OPCML: variants seen among roughly 807,000 people sequenced by gnomAD.
OPCML encodes the protein opioid binding protein/cell adhesion molecule like.
OPCML carries 13 observed loss-of-function variants against 37.8 expected under a neutral mutation model. The observed-to-expected ratio is 0.34, with a 90% confidence interval of 0.22 to 0.55. The LOEUF is 0.55. Among genes scored for constraint, OPCML ranks in the 20% least tolerant of loss-of-function variants. The pLI, the probability that OPCML is intolerant of heterozygous loss-of-function variation, is 0.91. For missense variants in OPCML, 341 were observed against 435.6 expected, an observed-to-expected ratio of 0.78 and a Z score of 1.93; for synonymous variants, 176 against 168.8, an observed-to-expected ratio of 1.04 and a Z score of -0.33.
At chr11:133,384,450 TG>T (rs779405892) in intron 1 of OPCML, among the ~76,000 whole-genome samples, 4 of 152,276 alleles carry the variant, frequency 2.6e-5, no homozygotes, top group Non-Finnish European at 5.9e-5. Flanking sequence ...ATTCAACCGT[TG>T]ACAAGAAAGA....
At chr11:132,421,417 A>T (rs1244060283) in intron 7 of OPCML, among the ~76,000 whole-genome samples, 1 of 152,206 alleles carries the variant, frequency 6.6e-6, no homozygotes. Context: ...TACTGGAAAT[A>T]AGCTGAGGTG....
At chr11:133,092,850 A>AAGAG (rs151247554) in intron 1 of OPCML, among the ~76,000 whole-genome samples, 34 of 150,046 alleles carry the variant, frequency 2.3e-4, no homozygotes, top group African/African-American at 6.6e-4. Flanking sequence ...GAGACAGAGA[A>AAGAG]AGAGAGAGAG....
In OPCML at chr11:132,785,577, A is replaced by G. The variant is rs116100410; in HGVS notation, c.147-128258T>C. Among the ~76,000 whole-genome samples the G allele has an allele frequency of 3.3e-3, 496 of 152,366 alleles. 5 individuals are homozygous for G. Among genetic ancestry groups the G allele is most frequent in the African/African-American group, 0.011 (439 of 41,590 alleles). ...TACAATGCAATGCTCCCTAGTAAAT[A>G]TATAACAACAACACAAACTATCTAC... On this transcript the variant is annotated intron_variant, in intron 2 of 7. Coordinates refer to ENST00000524381, the MANE Select transcript of OPCML (RefSeq NM_001012393.5).
At chr11:133,193,257 T>A (rs1938397438) in intron 1 of OPCML, among the ~76,000 whole-genome samples, 1 of 152,104 alleles carries the variant, frequency 6.6e-6, no homozygotes, top group Admixed American at 6.6e-5. Flanking sequence ...AAAAGTCAGA[T>A]CCTAGGTGGG....
chr11:132,680,494 G>A (rs1411452168), intron 2 of OPCML, among the ~76,000 whole-genome samples: 2 of 152,156 alleles, frequency 1.3e-5, no homozygotes, highest in Non-Finnish European at 2.9e-5. Flanking sequence ...TTTCCTCAGG[G>A]CTGAAGAATA....
intron 2 of OPCML, among the ~76,000 whole-genome samples, chr11:132,675,762 A>C (rs1238743568): frequency 1.3e-5 from 2 of 152,210 alleles, no homozygotes; most frequent in Admixed American, 6.5e-5. Context: ...TGCTCTAAAA[A>C]CAAAAGTGTT....
intron 1 of OPCML, among the ~76,000 whole-genome samples, chr11:133,266,184 G>C (rs1394161941): frequency 6.6e-6 from 1 of 152,170 alleles, no homozygotes; most frequent in Admixed American, 6.5e-5. Flanking sequence ...GCAAGAACCA[G>C]GACTTAGGGA....
chr11:132,512,975 C>A (rs192568427), intron 4 of OPCML, among the ~76,000 whole-genome samples: 1 of 151,748 alleles, frequency 6.6e-6, no homozygotes, highest in African/African-American at 2.4e-5. Context: ...AAATTATGAC[C>A]GCAAGATTTT....
At chr11:132,795,460 T>A (rs755549912) in intron 2 of OPCML, among the ~76,000 whole-genome samples, 8 of 152,218 alleles carry the variant, frequency 5.3e-5, no homozygotes, top group Non-Finnish European at 1.2e-4. Context: ...TTTAGAACAT[T>A]TCCATATTCC....
chr11:132,994,230 G>A (rs1194806352), intron 1 of OPCML, among the ~76,000 whole-genome samples: 1 of 152,234 alleles, frequency 6.6e-6, no homozygotes, highest in Non-Finnish European at 1.5e-5. Context: ...CTCCTGCCAG[G>A]AGCCGGCGCG....
intron 1 of OPCML, among the ~76,000 whole-genome samples, chr11:133,292,036 C>G (rs959145085): frequency 6.6e-6 from 1 of 152,150 alleles, no homozygotes. Flanking sequence ...TCAATATGGC[C>G]GTCGGTGAAG....
intron 2 of OPCML, among the ~76,000 whole-genome samples, chr11:132,688,342 G>A (rs1190490135): frequency 1.3e-5 from 2 of 152,126 alleles, no homozygotes; most frequent in Admixed American, 1.3e-4. Context: ...ACAAACATGA[G>A]GAGAAACAAG....
At chr11:133,190,332 G>A (rs1446697522) in intron 1 of OPCML, among the ~76,000 whole-genome samples, 2 of 152,198 alleles carry the variant, frequency 1.3e-5, no homozygotes, top group Admixed American at 6.5e-5. Flanking sequence ...AAGAGGAAGG[G>A]AGAAGGGAAT....
chr11:132,485,363 G>T (rs2137040599), intron 4 of OPCML, among the ~76,000 whole-genome samples: 1 of 152,094 alleles, frequency 6.6e-6, no homozygotes, highest in South Asian at 2.1e-4. Flanking sequence ...TGTGTTTTTT[G>T]TTTGTTTGTT....
At chr11:133,427,625 C>A (rs534391780) in intron 1 of OPCML, among the ~76,000 whole-genome samples, 1 of 151,752 alleles carries the variant, frequency 6.6e-6, no homozygotes, top group Admixed American at 6.6e-5. Flanking sequence ...AGAAAATATT[C>A]TTTAAATCAT....
At chr11:133,026,014 C>G in intron 1 of OPCML, 1 of 976,780 alleles carries the variant, frequency 1.0e-6, no homozygotes, top group Non-Finnish European at 1.2e-6. Context: ...GGATTACAGA[C>G]ATGAGCCACC....
intron 3 of OPCML, among the ~76,000 whole-genome samples, chr11:132,606,949 GT>G (rs1938342018): frequency 6.6e-6 from 1 of 152,224 alleles, no homozygotes; most frequent in South Asian, 2.1e-4. Context: ...CTTCCCAGGG[GT>G]TTCTGTCTGT....
At chr11:132,869,007 A>T (rs1374617514) in intron 2 of OPCML, among the ~76,000 whole-genome samples, 2 of 152,170 alleles carry the variant, frequency 1.3e-5, no homozygotes, top group African/African-American at 4.8e-5. Flanking sequence ...GAGGAATGGC[A>T]TAGAAGTCTG....
At chr11:133,146,642 T>C (rs1410213485) in intron 1 of OPCML, among the ~76,000 whole-genome samples, 3 of 151,982 alleles carry the variant, frequency 2.0e-5, no homozygotes, top group African/African-American at 7.2e-5. Context: ...CTATTTTTAG[T>C]AGAGATGAGG....
Sources: allele counts gnomAD v4.1 joint callset (sites outside exome capture counted in the v4.1 genomes callset), GRCh38; gene constraint gnomAD v4.1.1; transcripts MANE v1.5; gene names NCBI Gene and HGNC (gene_info 2026-07-23, HGNC 2026-07-21).